MAST4: variants seen among roughly 807,000 people sequenced by gnomAD.
MAST4 encodes microtubule associated serine/threonine kinase family member 4, also known as microtubule-associated serine/threonine-protein kinase 4.
In MAST4, 89 loss-of-function variants were observed where a neutral mutation model predicts 162.7. The observed-to-expected ratio is 0.55, with a 90% CI of 0.46 to 0.65. MAST4 has a LOEUF of 0.65. Ranked by LOEUF, MAST4 falls within the 30% of genes least tolerant of loss-of-function variation. The probability of loss-of-function intolerance (pLI) is 0.00; values close to 1 mark genes in which losing one functional copy is unlikely to be tolerated. For synonymous variants in MAST4, 1,479 were observed against 1,361.1 expected (o/e 1.09, Z -1.91); for missense variants, 3,153 against 3,374.0 (o/e 0.93, Z 1.62).
chr5:66,965,207 GTTTTTTTTTTTTTTTTGCT>G (rs1746554886), intron 4 of MAST4, among the ~76,000 whole-genome samples: 2 of 82,872 alleles, frequency 2.4e-5, no homozygotes, highest in African/African-American at 4.4e-5. Context: ...CATAAGAGTA[GTTTTTTTTTTTTTTTTGCT>G]TTTTTTTTTT....
At chr5:66,717,260 A>T (rs1191748544) in intron 1 of MAST4, among the ~76,000 whole-genome samples, 1 of 152,196 alleles carries the variant, frequency 6.6e-6, no homozygotes, top group East Asian at 1.9e-4. Context: ...GCTGCTATTA[A>T]GATAGAAAGA....
chr5:67,027,827 G>A (rs949610697), intron 4 of MAST4, among the ~76,000 whole-genome samples: 6 of 152,180 alleles, frequency 3.9e-5, no homozygotes, highest in African/African-American at 1.4e-4. Context: ...TTTAAGATAT[G>A]CAGAGGAGAT....
intron 4 of MAST4, among the ~76,000 whole-genome samples, chr5:66,918,888 T>G (rs1324138920): frequency 1.3e-5 from 2 of 152,194 alleles, no homozygotes; most frequent in African/African-American, 4.8e-5. Flanking sequence ...TTTTAAAAAT[T>G]GAGATTTTGT....
chr5:66,886,767 C>G (rs1402743956), intron 3 of MAST4, among the ~76,000 whole-genome samples: 5 of 151,078 alleles, frequency 3.3e-5, no homozygotes, highest in South Asian at 2.1e-4. Context: ...TTCATCCATA[C>G]GTTGCAGATG....
At chr5:66,773,429 G>C (rs576931893) in intron 2 of MAST4, among the ~76,000 whole-genome samples, 1 of 152,138 alleles carries the variant, frequency 6.6e-6, no homozygotes, top group Non-Finnish European at 1.5e-5. Flanking sequence ...GAGAGCAGAG[G>C]GTAAGTCCCC....
chr5:67,138,426 G>A (rs999357696), intron 19 of MAST4, among the ~76,000 whole-genome samples: 1 of 151,934 alleles, frequency 6.6e-6, no homozygotes, highest in African/African-American at 2.4e-5. Flanking sequence ...TTGGTGGGTG[G>A]GTGGGGTGGT....
rs538491959 is a variant in MAST4, at chr5:66,596,399, G to A, written c.-257G>A. 7 of 385,872 alleles carry A rather than the reference G, an allele frequency of 1.8e-5. 1 individual carries two copies. The highest frequency in any genetic ancestry group is 9.1e-5 in the Admixed American group (2 of 21,928). 23.9% of individuals were successfully genotyped at this position (385,872 alleles called of 1,614,324 possible). A position where few individuals can be genotyped will look rare whatever the true frequency, so the allele number is the denominator to read the frequency against. On this transcript the variant is annotated 5_prime_UTR_variant, in exon 1 of 29. Coordinates refer to ENST00000403625, the MANE Select transcript of MAST4 (RefSeq NM_001164664.2). Reference sequence around the variant, plus strand: ...TCGGGTGCAGCGCGGGAGCACAGTGGAGCGCAGATCGCGGACCCGAGCGGG... The same window carrying A: ...TCGGGTGCAGCGCGGGAGCACAGTGAAGCGCAGATCGCGGACCCGAGCGGG...
At chr5:67,129,272 C>A (rs777638884) in intron 14 of MAST4, among the ~76,000 whole-genome samples, 1 of 152,238 alleles carries the variant, frequency 6.6e-6, no homozygotes, top group South Asian at 2.1e-4. Context: ...AATATGCTAC[C>A]CTTTGTTGCA....
At chr5:66,747,307 T>A (rs1219820139) in intron 1 of MAST4, among the ~76,000 whole-genome samples, 1 of 152,182 alleles carries the variant, frequency 6.6e-6, no homozygotes, top group African/African-American at 2.4e-5. Context: ...TGTAGTTTGA[T>A]CTAATACTGT....
At position 66,788,749 on chromosome 5, in the gene MAST4, C is replaced by T; in HGVS notation, c.597C>T (p.Arg199=). 1.9e-6 allele frequency: 3 copies of T among 1,611,972 alleles called. No individual in the cohort carries two copies. Among genetic ancestry groups the T allele is most frequent in the Non-Finnish European group, 2.5e-6 (3 of 1,178,856 alleles). ...SAETSNLVRM[R]SQALGQSAPS... ...AGACGTCCAACCTCGTGCGCATGCG[C>T]AGCCAGGCCCTGGGCCAGTCGGCGC... is the stretch of plus-strand genomic sequence containing the variant. The change falls in exon 3 of 29, where the codon CGC becomes CGT. Residue 199 remains arginine, a synonymous_variant. Transcript: ENST00000403625.
At chr5:66,671,998 A>C (rs759125005) in intron 1 of MAST4, among the ~76,000 whole-genome samples, 4 of 152,178 alleles carry the variant, frequency 2.6e-5, no homozygotes, top group African/African-American at 9.7e-5. Context: ...TAGCTCAGAA[A>C]CCCACCAATG....
chr5:66,651,255 G>T (rs1266847643), intron 1 of MAST4, among the ~76,000 whole-genome samples: 2 of 149,812 alleles, frequency 1.3e-5, no homozygotes, highest in African/African-American at 2.5e-5. Context: ...GGTAAAAAAT[G>T]AAGTCTGAAT....
At chr5:66,836,843 T>G (rs899042198) in intron 3 of MAST4, among the ~76,000 whole-genome samples, 2 of 152,116 alleles carry the variant, frequency 1.3e-5, no homozygotes, top group African/African-American at 4.8e-5. Context: ...GGTGCTATGC[T>G]TATTACCTGG....
intron 3 of MAST4, among the ~76,000 whole-genome samples, chr5:66,837,864 TTATATATA>T (rs1209782576): frequency 0.011 from 920 of 82,580 alleles, 13 homozygotes; most frequent in African/African-American, 0.02. Flanking sequence ...AGACTTGATT[TTATATATA>T]TATATATATA....
At chr5:66,948,440 T>G (rs747902794) in intron 4 of MAST4, among the ~76,000 whole-genome samples, 1 of 152,154 alleles carries the variant, frequency 6.6e-6, no homozygotes, top group Non-Finnish European at 1.5e-5. Flanking sequence ...TGTGCTCTTA[T>G]ACTTCTTTTC....
At chr5:67,153,667 A>G (rs927625531) in intron 26 of MAST4, 87 bp downstream of exon 26, 2 of 1,249,252 alleles carry the variant, frequency 1.6e-6, no homozygotes, top group Non-Finnish European at 2.1e-6. Flanking sequence ...CCTGTGTCAC[A>G]CCCATGTCTG....
rs539204546 is a variant in MAST4 at position 66,711,842 on chromosome 5, C to G, written c.364-47867C>G. Among the ~76,000 whole-genome samples the G allele has an allele frequency of 1.1e-4, 17 of 152,086 alleles. No individual in the cohort carries two copies. The South Asian group carries it at 1.5e-3, about 13-fold the overall frequency. ...AGAGTGAGACTCTGCCCCCCACCCC[C>G]CAAAAAAAGATGCTTTGGATTATAT... On this transcript the variant is annotated intron_variant, in intron 1 of 28. Transcript: ENST00000403625.
chr5:67,139,254 G>A (rs1469823427), intron 19 of MAST4, among the ~76,000 whole-genome samples: 1 of 152,174 alleles, frequency 6.6e-6, no homozygotes, highest in Non-Finnish European at 1.5e-5. Context: ...TATTTAGTGG[G>A]CAAAATAATG....
chr5:66,907,385 C>T (rs914397495), intron 4 of MAST4, among the ~76,000 whole-genome samples: 5 of 152,166 alleles, frequency 3.3e-5, no homozygotes, highest in Admixed American at 3.3e-4. Flanking sequence ...TGGGCTTCAT[C>T]CAGGATCAGC....
Sources: allele counts gnomAD v4.1 joint callset (sites outside exome capture counted in the v4.1 genomes callset), GRCh38; gene constraint gnomAD v4.1.1; transcripts MANE v1.5; gene names NCBI Gene and HGNC (gene_info 2026-07-23, HGNC 2026-07-21).